Variants in LONP1 observed in about 807,000 individuals in gnomAD.
LONP1 encodes the protein lon peptidase 1, mitochondrial, also known as lon protease homolog, mitochondrial.
A neutral mutation model predicts 98.5 loss-of-function variants in LONP1; 31 were observed. The observed-to-expected ratio is 0.31, with a 90% CI of 0.24 to 0.42. The LOEUF is 0.42. Among genes scored for constraint, LONP1 ranks in the 20% least tolerant of loss-of-function variants. The pLI is 1.00. For missense variants in LONP1, 1,336 were observed against 1,350.6 expected, an observed-to-expected ratio of 0.99 and a Z score of 0.17; for synonymous variants, 781 against 594.7, an observed-to-expected ratio of 1.31 and a Z score of -4.56.
chr19:5,701,823 G>A (rs1265502643), intron 8 of LONP1, among the ~76,000 whole-genome samples: 1 of 150,576 alleles, frequency 6.6e-6, no homozygotes, highest in Non-Finnish European at 1.5e-5. Flanking sequence ...CCCTCTGCCT[G>A]GCTGCCCAGT....
Position 5,693,555 on chromosome 19 carries a change from G to T in LONP1, c.2535C>A (p.Pro845=). Residue 845 remains proline (P), a synonymous_variant, in exon 16 of 18, where the codon CCC becomes CCA. Coordinates refer to ENST00000360614, the MANE Select transcript of LONP1 (RefSeq NM_004793.4). ...LVTSHIHLHV[P]EGATPKDGPS... Reference sequence around the variant, plus strand: ...TGGGAGCGGATGGCGCGGTCACCTCGGGCACATGCAGGTGGATGTGTGAGG... The same window carrying T: ...TGGGAGCGGATGGCGCGGTCACCTCTGGCACATGCAGGTGGATGTGTGAGG... 2 of 1,614,014 alleles carry T rather than the reference G, an allele frequency of 1.2e-6. No individual in the cohort carries two copies. The highest frequency in any genetic ancestry group is 1.6e-4 in the Middle Eastern group (1 of 6,062).
chr19:5,716,259 CATATATATAT>C (rs3082272), intron 1 of LONP1, among the ~76,000 whole-genome samples: 11,437 of 77,074 alleles, frequency 0.15, 1,025 homozygotes, highest in Middle Eastern at 0.31. Context: ...TTAAAATATA[CATATATATAT>C]ATATATATAT....
Position 5,699,134 on chromosome 19 carries a change from G to T in LONP1, c.1578C>A (p.Gly526=), listed in dbSNP as rs373491173. ...GKILCFYGPP[G]VGKTSIARSI... ...AGCGAGCAATGCTGGTCTTACCCACGCCAGGGGGGCCATAGAAGCAGAGGA... is the reference window on the plus strand; with the variant it reads ...AGCGAGCAATGCTGGTCTTACCCACTCCAGGGGGGCCATAGAAGCAGAGGA... Residue 526 remains glycine, a synonymous_variant, in exon 10 of 18, where the codon GGC becomes GGA. Coordinates refer to ENST00000360614, the MANE Select transcript of LONP1 (RefSeq NM_004793.4). 143 of 1,565,224 alleles carry T rather than the reference G, an allele frequency of 9.1e-5. No individual in the cohort carries two copies. The highest frequency in any genetic ancestry group is 1.2e-4 in the Non-Finnish European group (133 of 1,149,266).
Position 5,707,199 on chromosome 19 carries a change from G to A in LONP1, c.1063-56C>T, listed in dbSNP as rs1199653750. ...GCAGAAGTCGGCATCTGTGTGTGTA[G>A]GGCCGAGGTTGGGGGAAAATGCGCA... On this transcript the variant is annotated intron_variant, in intron 6 of 17. Coordinates refer to ENST00000360614, the MANE Select transcript of LONP1 (RefSeq NM_004793.4). The A allele has an allele frequency of 5.5e-6, 8 of 1,449,790 alleles. No homozygotes were observed. The African/African-American group carries it at 7.0e-5, about 13-fold the overall frequency. 89.8% of individuals were successfully genotyped at this position (1,449,790 alleles called of 1,614,324 possible).
rs1257856772 is a variant in LONP1, at chr19:5,719,797, G to C, written c.336C>G (p.Leu112=). 4.3e-6 allele frequency: 7 copies of C among 1,612,824 alleles called. No individual in the cohort carries two copies. The highest frequency in any genetic ancestry group is 2.7e-5 in the African/African-American group (2 of 74,906). The change falls in exon 1 of 18, where the codon CTC becomes CTG. Residue 112 remains leucine, a synonymous_variant. Coordinates refer to ENST00000360614, the MANE Select transcript of LONP1 (RefSeq NM_004793.4). ...ACACATCGGGGATCGTCATGGGCGT[G>C]AGCGCCGTTATGACCGGGCCTTCCC... ...GAGEGPVITA[L]TPMTIPDVFP...
intron 9 of LONP1, among the ~76,000 whole-genome samples, chr19:5,699,574 T>C (rs983180596): frequency 6.9e-6 from 1 of 144,936 alleles, no homozygotes; most frequent in Admixed American, 6.8e-5. Context: ...TTTTTTTTTT[T>C]TGAGATGGAG....
intron 9 of LONP1, 121 bp downstream of exon 9, chr19:5,700,668 A>G (rs955414307): frequency 6.9e-5 from 95 of 1,371,804 alleles, no homozygotes; most frequent in Admixed American, 8.8e-5. Flanking sequence ...CCCCCCGACC[A>G]GCACCCCCAG....
Position 5,705,849 on chromosome 19 carries a change from G to A in LONP1, c.1290C>T (p.Val430=), listed in dbSNP as rs757966355. The change falls in exon 8 of 18, where the codon GTC becomes GTT. Residue 430 remains valine (V), a synonymous_variant. Coordinates refer to ENST00000360614, the MANE Select transcript of LONP1 (RefSeq NM_004793.4). ...KFRERLKELV[V]PKHVMDVVDE... is the part of the protein sequence containing the mutation. ...CCACAACATCCATGACGTGCTTGGG[G>A]ACCACGAGCTCCTTCAGGCGCTCCC... The A allele has an allele frequency of 2.5e-6, 4 of 1,614,044 alleles. No individual in the cohort carries two copies. The highest frequency in any genetic ancestry group is 4.5e-5 in the East Asian group (2 of 44,902).
chr19:5,695,109 G>A (rs1409228626), intron 13 of LONP1, among the ~76,000 whole-genome samples: 1 of 151,944 alleles, frequency 6.6e-6, no homozygotes, highest in Admixed American at 6.6e-5. Context: ...TCCTCTGCTT[G>A]GATCCACTTC....
intron 8 of LONP1, among the ~76,000 whole-genome samples, chr19:5,702,064 C>CGGGAGGGAGGT (rs1568318581): frequency 7.2e-6 from 1 of 138,686 alleles, no homozygotes; most frequent in African/African-American, 2.6e-5. Flanking sequence ...CCACCCCGTC[C>CGGGAGGGAGGT]GGGAGGGAGG....
intron 4 of LONP1, among the ~76,000 whole-genome samples, chr19:5,709,907 CAAAAAAAAAAAA>C (rs755774542): frequency 1.0e-4 from 4 of 38,668 alleles, no homozygotes; most frequent in African/African-American, 2.4e-4. Flanking sequence ...GGCTCCATCT[CAAAAAAAAAAAA>C]AAAAAAAAAA....
intron 9 of LONP1, 32 bp from the exon 10 acceptor site, chr19:5,699,237 G>GAGCTGGGGA (rs754687775): frequency 2.7e-6 from 4 of 1,465,784 alleles, no homozygotes; most frequent in Admixed American, 2.4e-5. Flanking sequence ...GTGGGCACGT[G>GAGCTGGGGA]AGCTGGGGAA....
intron 11 of LONP1, 92 bp from the exon 12 acceptor site, chr19:5,696,463 C>G: frequency 1.3e-6 from 2 of 1,509,668 alleles, no homozygotes; most frequent in South Asian, 2.5e-5. Context: ...GGGGAGACCC[C>G]GAGTGAGAGC....
chr19:5,700,607 G>A (rs1195275360), intron 9 of LONP1, among the ~76,000 whole-genome samples, 182 bp downstream of exon 9: 1 of 152,186 alleles, frequency 6.6e-6, no homozygotes, highest in Non-Finnish European at 1.5e-5. Flanking sequence ...AGTCCACCTG[G>A]GAAATCCTCG....
chr19:5,704,013 C>T (rs533766961), intron 8 of LONP1, among the ~76,000 whole-genome samples: 1 of 152,314 alleles, frequency 6.6e-6, no homozygotes, highest in Admixed American at 6.5e-5. Flanking sequence ...CGGCACAGGC[C>T]TCTCACATGG....
chr19:5,710,082 A>ATT (rs35535433), intron 4 of LONP1, among the ~76,000 whole-genome samples: 2 of 137,542 alleles, frequency 1.5e-5, no homozygotes, highest in African/African-American at 2.7e-5. Context: ...GGCTGTCTGA[A>ATT]TTTTTTTTTT....
chr19:5,693,190 G>A (rs1263023450), intron 17 of LONP1, 108 bp downstream of exon 17: 12 of 1,390,548 alleles, frequency 8.6e-6, no homozygotes, highest in African/African-American at 4.3e-5. Context: ...CCAAAGCCCA[G>A]GGCTTCCCTC....
Position 5,694,552 on chromosome 19 carries a change from C to A in LONP1, c.2155G>T (p.Val719Leu), listed in dbSNP as rs750942603. The A allele has an allele frequency of 1.1e-5, 17 of 1,610,514 alleles. No homozygotes were observed. The African/African-American group carries it at 2.0e-4, about 19-fold the overall frequency. Residue 719 changes from valine to leucine, a missense_variant and splice_region_variant, in exon 15 of 18, where the codon GTG (valine) becomes TTG (leucine). Physicochemically the swap from Val to Leu is conservative, Grantham distance 32. This residue lies in a region of LONP1 where 555 missense variants were observed against 542.6 expected (regional missense o/e 1.02). Transcript: ENST00000360614. ...ATCTTGTAGGCCGATTTCCGTAACA[C>A]CTGGGCGGTCAGGGCAACACAATGG... is the stretch of plus-strand genomic sequence containing the variant. ...VRNLQKQVEKVLRKSAYKIVS... is the reference protein window; with the variant it reads ...VRNLQKQVEKLLRKSAYKIVS...
Position 5,702,608 on chromosome 19 carries a change from G to A in LONP1, c.1368-1681C>T, listed in dbSNP as rs144311026. Among the ~76,000 whole-genome samples the A allele has an allele frequency of 3.7e-3, 556 of 151,984 alleles. 19 individuals are homozygous for A. In the East Asian group the frequency reaches 0.092, roughly 25 times the overall value. On this transcript the variant is annotated intron_variant, in intron 8 of 17. Transcript: ENST00000360614. ...AAAAGGGGGAAAGGATTGAGAAATC[G>A]GATGGTTGCCGTGTCTGTGTAGAAA... is the stretch of plus-strand genomic sequence containing the variant.
Sources: gnomAD v4.1 joint callset for allele counts (sites outside exome capture counted in the v4.1 genomes callset) on GRCh38, gnomAD v4.1.1 for gene constraint, gnomAD v4.1.1 regional missense constraint, MANE v1.5 for transcripts, NCBI Gene and HGNC (gene_info 2026-07-23, HGNC 2026-07-21) for gene names.